ZFP37: variants seen among roughly 807,000 people sequenced by gnomAD.
ZFP37 encodes zinc finger protein 37 homolog.
In ZFP37, 38 loss-of-function variants were observed where a neutral mutation model predicts 52.1. The ratio of observed to expected loss-of-function variants is 0.73; its 90% CI spans 0.56 to 0.96. The LOEUF is 0.96. Ranked by LOEUF, ZFP37 falls within the 40% of genes least tolerant of loss-of-function variation. The probability of loss-of-function intolerance (pLI) is 0.00; values close to 1 mark genes in which losing one functional copy is unlikely to be tolerated. For synonymous variants in ZFP37, 253 were observed against 259.5 expected, an observed-to-expected ratio of 0.98 and a Z score of 0.24; for missense variants, 695 against 741.4, an observed-to-expected ratio of 0.94 and a Z score of 0.73.
chr9:113,047,062 T>C (rs1319494049), intron 3 of ZFP37, among the ~76,000 whole-genome samples: 4 of 150,482 alleles, frequency 2.7e-5, no homozygotes, highest in Non-Finnish European at 5.9e-5. Flanking sequence ...TGAGCCGAGA[T>C]TGCGCCACTG....
intron 1 of ZFP37, 151 bp downstream of exon 1, chr9:113,056,406 A>T: frequency 7.7e-7 from 1 of 1,298,802 alleles, no homozygotes; most frequent in Non-Finnish European, 1.1e-6. Context: ...TTAACCCCAC[A>T]GATAACTCAG....
chr9:113,045,471 T>C (rs973600810), intron 3 of ZFP37, among the ~76,000 whole-genome samples: 2 of 152,210 alleles, frequency 1.3e-5, no homozygotes, highest in Non-Finnish European at 2.9e-5. Flanking sequence ...ATATATTTGT[T>C]CTTTTCAGGT....
At chr9:113,046,186 ATC>A in intron 3 of ZFP37, among the ~76,000 whole-genome samples, 1 of 147,364 alleles carries the variant, frequency 6.8e-6, no homozygotes, top group Admixed American at 6.9e-5. Context: ...ACAGATATAT[ATC>A]TATATATGTA....
At chr9:113,056,160 C>T (rs1212651620) in intron 1 of ZFP37, among the ~76,000 whole-genome samples, 1 of 152,132 alleles carries the variant, frequency 6.6e-6, no homozygotes, top group Non-Finnish European at 1.5e-5. Flanking sequence ...TTCCCAAATC[C>T]TAACACTGAC....
intron 3 of ZFP37, among the ~76,000 whole-genome samples, chr9:113,045,032 G>A (rs1455949529): frequency 6.6e-6 from 1 of 152,018 alleles, no homozygotes; most frequent in East Asian, 1.9e-4. Flanking sequence ...AGCTTGTAAG[G>A]GATGTACCCA....
intron 1 of ZFP37, among the ~76,000 whole-genome samples, chr9:113,051,644 A>G (rs186199858): frequency 2.6e-5 from 4 of 152,108 alleles, no homozygotes; most frequent in African/African-American, 4.8e-5. Flanking sequence ...TTGTAGAGAC[A>G]GGTTCTTGCT....
chr9:113,051,948 C>A (rs567250172), intron 1 of ZFP37, among the ~76,000 whole-genome samples: 2 of 152,264 alleles, frequency 1.3e-5, no homozygotes, highest in East Asian at 3.9e-4. Flanking sequence ...TCAGTAGCAG[C>A]AGCAGATCTC....
In ZFP37 at chr9:113,044,212, G is replaced by A; in HGVS notation, c.406C>T (p.Leu136Phe). The A allele has an allele frequency of 6.3e-7, 1 of 1,586,040 alleles. No homozygotes were observed. The highest frequency in any genetic ancestry group is 8.5e-7 in the Non-Finnish European group (1 of 1,172,162). ...ENIQKSQNKL[L>F]REVAVKKKTQ... ...TTCTTCTTGACTGCAACTTCCCTGA[G>A]GAGTTTGTTTTGAGATTTCTGGATA... Residue 136 changes from leucine to phenylalanine, a missense_variant, in exon 4 of 4, where the codon CTC becomes TTC. Transcript: ENST00000374227.
In ZFP37 at chr9:113,041,441, T is replaced by C. The variant is rs1828844705; in HGVS notation, c.*1284A>G. 6.6e-6 allele frequency: 1 copy of C among 152,194 alleles called. No individual in the cohort carries two copies. The highest frequency in any genetic ancestry group is 1.5e-5 in the Non-Finnish European group (1 of 68,042). 9.4% of individuals were successfully genotyped at this position (152,194 alleles called of 1,614,324 possible). A position where few individuals can be genotyped will look rare whatever the true frequency, so the allele number is the denominator to read the frequency against. On this transcript the variant is annotated 3_prime_UTR_variant, in exon 4 of 4. Coordinates refer to ENST00000374227, the MANE Select transcript of ZFP37 (RefSeq NM_003408.3). Reference sequence around the variant, plus strand: ...TGAGCGAGAACAGGGAGGGGTGACATTTGTTTCATTCGAATTCCCTGATTG... The same window carrying C: ...TGAGCGAGAACAGGGAGGGGTGACACTTGTTTCATTCGAATTCCCTGATTG...
In ZFP37 at chr9:113,038,495, A is replaced by T. The variant is rs1375560342; in HGVS notation, c.*4230T>A. On this transcript the variant is annotated 3_prime_UTR_variant, in exon 4 of 4. Coordinates refer to ENST00000374227, the MANE Select transcript of ZFP37 (RefSeq NM_003408.3). ...TTTACTATGAAGGTTAAGAAATTAAAGATTTGGCCAAATGTGGTAGCTCAC... is the reference window on the plus strand; with the variant it reads ...TTTACTATGAAGGTTAAGAAATTAATGATTTGGCCAAATGTGGTAGCTCAC... The T allele has an allele frequency of 6.6e-6, 1 of 152,026 alleles. No individual in the cohort carries two copies. The highest frequency in any genetic ancestry group is 1.5e-5 in the Non-Finnish European group (1 of 67,978). The allele number at this position is 152,026 out of a possible 1,614,324, so 9.4% of individuals were successfully genotyped here. A position where few individuals can be genotyped will look rare whatever the true frequency, so the allele number is the denominator to read the frequency against.
intron 3 of ZFP37, among the ~76,000 whole-genome samples, chr9:113,049,117 G>A (rs201173928): frequency 9.9e-5 from 15 of 152,100 alleles, no homozygotes; most frequent in African/African-American, 3.1e-4. Context: ...CCAAACTCCC[G>A]TAGTTAACAC....
intron 3 of ZFP37, among the ~76,000 whole-genome samples, chr9:113,045,111 A>G (rs1587910918): frequency 6.6e-6 from 1 of 152,326 alleles, no homozygotes; most frequent in East Asian, 1.9e-4. Context: ...ATATCCAAAA[A>G]AGCCAGAAAA....
intron 2 of ZFP37, 33 bp from the exon 3 acceptor site, chr9:113,049,529 A>C: frequency 6.3e-7 from 1 of 1,598,410 alleles, no homozygotes; most frequent in Non-Finnish European, 8.5e-7. Flanking sequence ...ACTGAGTGTT[A>C]GAACAACCAT....
At chr9:113,051,100 A>C (rs968910121) in intron 1 of ZFP37, among the ~76,000 whole-genome samples, 2 of 152,184 alleles carry the variant, frequency 1.3e-5, no homozygotes, top group Admixed American at 1.3e-4. Context: ...GATCAGAATA[A>C]AGATTTCAAA....
In ZFP37 at chr9:113,043,374, C is replaced by G; in HGVS notation, c.1244G>C (p.Arg415Thr). 3 of 1,614,128 alleles carry G rather than the reference C, an allele frequency of 1.9e-6. No homozygotes were observed. Among genetic ancestry groups the G allele is most frequent in the Non-Finnish European group, 1.7e-6 (2 of 1,179,990 alleles). Residue 415 changes from arginine (R) to threonine (T), a missense_variant, in exon 4 of 4, where the codon AGG becomes ACG. Around this residue, in one of 2 missense-constraint regions of ZFP37, gnomAD observed 326 missense variants for 400.5 expected, o/e 0.81. Coordinates refer to ENST00000374227, the MANE Select transcript of ZFP37 (RefSeq NM_003408.3). ...ATGTTCGGTAAGAGATGAGTTATAC[C>G]TAAAAGACTTCCCACATTCCTTACA... ...YECKECGKSFRYNSSLTEHVR... is the reference protein window; with the variant it reads ...YECKECGKSFTYNSSLTEHVR...
At position 113,039,184 on chromosome 9, in the gene ZFP37, CT is replaced by C. The variant is rs1229503944; in HGVS notation, c.*3540del. ...AACATAGAATAGATTCCTCGATGGA[CT>C]GCCGACCATCATAAGGCTTTGATGT... On this transcript the variant is annotated 3_prime_UTR_variant, in exon 4 of 4. Transcript: ENST00000374227. 2 of 152,142 alleles carry C rather than the reference CT, an allele frequency of 1.3e-5. No homozygotes were observed. The highest frequency in any genetic ancestry group is 4.8e-5 in the African/African-American group (2 of 41,416). 9.4% of individuals were successfully genotyped at this position (152,142 alleles called of 1,614,324 possible).
In ZFP37 at chr9:113,041,991, A is replaced by G. The variant is rs1241073376; in HGVS notation, c.*734T>C. On this transcript the variant is annotated 3_prime_UTR_variant, in exon 4 of 4. Transcript: ENST00000374227. ...TTTTTCAAAGTCTATTCACATACAG[A>G]TACATGTATATATGCATACAAAGAT... The G allele has an allele frequency of 6.6e-6, 1 of 152,174 alleles. No individual in the cohort carries two copies. The highest frequency in any genetic ancestry group is 2.4e-5 in the African/African-American group (1 of 41,454). 9.4% of individuals were successfully genotyped at this position (152,174 alleles called of 1,614,324 possible).
Position 113,042,808 on chromosome 9 carries a change from T to G in ZFP37, c.1810A>C (p.Asn604His). 6.2e-7 allele frequency: 1 copy of G among 1,612,338 alleles called. No individual in the cohort carries two copies. Among genetic ancestry groups the G allele is most frequent in the Non-Finnish European group, 8.5e-7 (1 of 1,179,340 alleles). ...TGTTTGAAAGTTTTCCCACATTCAT[T>G]ACATTCATAGGGTTTTTCTCCAGTG... Reference protein sequence around the residue: ...SHTGEKPYECNECGKTFKQNA... With the variant: ...SHTGEKPYECHECGKTFKQNA... Residue 604 changes from asparagine (N) to histidine (H), a missense_variant, in exon 4 of 4, where the codon AAT (asparagine) becomes CAT (histidine). Asn to His is a moderately conservative substitution (Grantham distance 68, BLOSUM62 1). Coordinates refer to ENST00000374227, the MANE Select transcript of ZFP37 (RefSeq NM_003408.3).
rs1354084828 is a variant in ZFP37 at position 113,038,777 on chromosome 9, T to A, written c.*3948A>T. On this transcript the variant is annotated 3_prime_UTR_variant, in exon 4 of 4. Coordinates refer to ENST00000374227, the MANE Select transcript of ZFP37 (RefSeq NM_003408.3). ...TCCAGTCTGGGTGACAGAGACTTTG[T>A]CTCAAAACAAAATAAAACAAAAAAA... is the stretch of plus-strand genomic sequence containing the variant. 6.6e-6 allele frequency: 1 copy of A among 151,696 alleles called. No homozygotes were observed. Among genetic ancestry groups the A allele is most frequent in the Non-Finnish European group, 1.5e-5 (1 of 67,986 alleles). 9.4% of individuals were successfully genotyped at this position (151,696 alleles called of 1,614,324 possible).
Sources: gnomAD v4.1 joint callset for allele counts (sites outside exome capture counted in the v4.1 genomes callset) on GRCh38, gnomAD v4.1.1 for gene constraint, gnomAD v4.1.1 regional missense constraint, MANE v1.5 for transcripts, NCBI Gene and HGNC (gene_info 2026-07-23, HGNC 2026-07-21) for gene names.